Variants in TARBP1 observed in about 807,000 individuals in gnomAD.
The protein encoded by TARBP1 is tRNA (guanosine(18)-2'-O)-methyltransferase TARBP1.
A neutral mutation model predicts 178.6 loss-of-function variants in TARBP1; 144 were observed. The observed-to-expected ratio is 0.81, with a 90% confidence interval of 0.70 to 0.93. TARBP1 has a LOEUF of 0.93. Among genes scored for constraint, TARBP1 ranks in the 40% least tolerant of loss-of-function variants. The pLI, the probability that TARBP1 is intolerant of heterozygous loss-of-function variation, is 0.00. For missense variants in TARBP1, 2,067 were observed against 2,011.7 expected, an observed-to-expected ratio of 1.03 and a Z score of -0.53; for synonymous variants, 787 against 781.0, an observed-to-expected ratio of 1.01 and a Z score of -0.13.
chr1:234,429,528 G>C lies in TARBP1; in HGVS notation c.2759C>G (p.Pro920Arg), dbSNP rs1215517879. ...AGTCCTTATTGGCATCTGAACGGCA[G>C]GTAGAAACGGTTCCAGAATTTCACT... ...TGSEILEPFL[P>R]AVQMPIRTLQ... The change falls in exon 16 of 30, where the codon CCT (proline) becomes CGT (arginine). Residue 920 changes from proline to arginine, a missense_variant. Transcript: ENST00000040877. 7 of 1,614,032 alleles carry C rather than the reference G, an allele frequency of 4.3e-6. No individual in the cohort carries two copies. Among genetic ancestry groups the C allele is most frequent in the Non-Finnish European group, 5.9e-6 (7 of 1,180,042 alleles).
At chr1:234,450,075 A>G (rs1039194382) in intron 10 of TARBP1, among the ~76,000 whole-genome samples, 1 of 152,188 alleles carries the variant, frequency 6.6e-6, no homozygotes, top group African/African-American at 2.4e-5. Flanking sequence ...TCCAATGCAT[A>G]TATTTCCACT....
At chr1:234,444,732 G>A (rs573353125) in intron 12 of TARBP1, among the ~76,000 whole-genome samples, 3 of 151,078 alleles carry the variant, frequency 2.0e-5, no homozygotes, top group South Asian at 4.2e-4. Flanking sequence ...GAACTTCTAC[G>A]ACCTCCTATA....
At chr1:234,391,796 T>C in intron 29 of TARBP1, 51 bp from the exon 30 acceptor site, 5 of 1,548,934 alleles carry the variant, frequency 3.2e-6, no homozygotes, top group Non-Finnish European at 4.4e-6. Context: ...AAACAATTTT[T>C]CTCTTTGATA....
Position 234,429,680 on chromosome 1 carries a change from G to C in TARBP1, c.2610-3C>G. 9 of 1,558,416 alleles carry C rather than the reference G, an allele frequency of 5.8e-6. No individual in the cohort carries two copies. The highest frequency in any genetic ancestry group is 7.8e-6 in the Non-Finnish European group (9 of 1,148,366). ...AAGATGACGATTCTTCCAAAACACT[G>C]AAATAAAAAATAAAGTTACTAGGCC... On this transcript the variant is annotated splice_region_variant and splice_polypyrimidine_tract_variant and intron_variant, in intron 15 of 29. Transcript: ENST00000040877.
At chr1:234,398,307 G>C in intron 26 of TARBP1, 75 bp downstream of exon 26, 2 of 1,297,520 alleles carry the variant, frequency 1.5e-6, no homozygotes, top group Non-Finnish European at 2.1e-6. Context: ...TTAACTACCT[G>C]TCCTTAGTAA....
intron 22 of TARBP1, among the ~76,000 whole-genome samples, chr1:234,412,539 G>A (rs998768290): frequency 2.6e-5 from 4 of 152,102 alleles, no homozygotes; most frequent in Admixed American, 6.6e-5. Context: ...TGTGGTGGCA[G>A]GTGCTTGTAG....
chr1:234,457,574 A>G (rs756643457), intron 9 of TARBP1, 93 bp downstream of exon 9: 101 of 786,108 alleles, frequency 1.3e-4, no homozygotes, highest in Non-Finnish European at 1.9e-4. Flanking sequence ...CAAAGCAATC[A>G]TTATATTTTA....
chr1:234,458,460 A>G (rs1486968685), intron 8 of TARBP1, among the ~76,000 whole-genome samples: 3 of 152,222 alleles, frequency 2.0e-5, no homozygotes, highest in Admixed American at 2.0e-4. Flanking sequence ...CCTTGGCTCT[A>G]TCTAGGCCAG....
rs12068114 is a variant in TARBP1 at position 234,454,015 on chromosome 1, G to T, written c.1723-3449C>A. Among the ~76,000 whole-genome samples, 860 of 152,308 alleles carry T rather than the reference G, an allele frequency of 5.6e-3. 9 individuals are homozygous for T. Among genetic ancestry groups the T allele is most frequent in the African/African-American group, 0.02 (827 of 41,564 alleles). The stretch of plus-strand genomic sequence containing the variant: ...CGAAAAATTAAGGGGAACAGATGAA[G>T]AAATCTAAGAGCTGGCTCCTTAAAA... On this transcript the variant is annotated intron_variant, in intron 9 of 29. Transcript: ENST00000040877.
chr1:234,440,693 A>G (rs1188078270), intron 12 of TARBP1, among the ~76,000 whole-genome samples: 1 of 152,252 alleles, frequency 6.6e-6, no homozygotes, highest in Admixed American at 6.5e-5. Flanking sequence ...GCAAGGTTAC[A>G]GGATACAAGG....
intron 1 of TARBP1, among the ~76,000 whole-genome samples, chr1:234,475,669 T>G (rs774158489): frequency 1.4e-4 from 21 of 152,300 alleles, no homozygotes; most frequent in Middle Eastern, 3.4e-3. Context: ...CTCAGACACA[T>G]GGGGCCTAAA....
Position 234,429,696 on chromosome 1 carries a change from T to C in TARBP1, c.2610-19A>G. The C allele has an allele frequency of 1.3e-6, 2 of 1,566,020 alleles. No individual in the cohort carries two copies. The highest frequency in any genetic ancestry group is 1.7e-6 in the Non-Finnish European group (2 of 1,156,468). ...CAAAACACTGAAATAAAAAATAAAG[T>C]TACTAGGCCATACTTCCCCAATTTG... is the stretch of plus-strand genomic sequence containing the variant. On this transcript the variant is annotated intron_variant, in intron 15 of 29. Transcript: ENST00000040877.
intron 5 of TARBP1, among the ~76,000 whole-genome samples, chr1:234,465,128 T>C (rs528444135): frequency 2.3e-4 from 35 of 151,956 alleles, no homozygotes; most frequent in Non-Finnish European, 4.3e-4. Context: ...CTCAAACAGA[T>C]ATAAATGAGT....
chr1:234,431,190 C>A (rs1664398452), intron 14 of TARBP1, among the ~76,000 whole-genome samples: 1 of 152,150 alleles, frequency 6.6e-6, no homozygotes, highest in Non-Finnish European at 1.5e-5. Context: ...TTATTCCATA[C>A]CCCTCTTTCA....
chr1:234,472,895 C>T, intron 1 of TARBP1, 84 bp from the exon 2 acceptor site: 1 of 955,216 alleles, frequency 1.0e-6, no homozygotes. Context: ...TAAAATAATG[C>T]CACTATTACC....
At chr1:234,447,122 G>A in intron 11 of TARBP1, 147 bp from the exon 12 acceptor site, 1 of 834,740 alleles carries the variant, frequency 1.2e-6, no homozygotes. Flanking sequence ...CAGCAGCTAT[G>A]AGGACTCATC....
intron 2 of TARBP1, 64 bp downstream of exon 2, chr1:234,472,650 A>C: frequency 4.6e-6 from 5 of 1,082,604 alleles, no homozygotes; most frequent in Non-Finnish European, 6.7e-6. Context: ...GCTTTTAATG[A>C]ATGTTTTTAA....
At chr1:234,415,729 G>C (rs75090749) in intron 22 of TARBP1, among the ~76,000 whole-genome samples, 3 of 152,200 alleles carry the variant, frequency 2.0e-5, no homozygotes, top group Non-Finnish European at 4.4e-5. Context: ...GCTGGCTATA[G>C]CAAAGCCCTG....
chr1:234,429,144 T>C lies in TARBP1; in HGVS notation c.3052A>G (p.Ile1018Val). The C allele has an allele frequency of 6.4e-7, 1 of 1,569,368 alleles. No homozygotes were observed. Among genetic ancestry groups the C allele is most frequent in the Non-Finnish European group, 8.6e-7 (1 of 1,166,966 alleles). ...AKIKGQAYFK[I>V]KEIMYKIIEM... ...AAAAGAAAGTTAGTTACCTCTTTTA[T>C]TTTGAAATATGCCTGGCCCTTGATT... is the stretch of plus-strand genomic sequence containing the variant. Residue 1018 changes from isoleucine to valine, a missense_variant, in exon 17 of 30, where the codon ATA becomes GTA. Transcript: ENST00000040877.
Sources: allele counts gnomAD v4.1 joint callset (sites outside exome capture counted in the v4.1 genomes callset), GRCh38; gene constraint gnomAD v4.1.1; transcripts MANE v1.5; gene names NCBI Gene and HGNC (gene_info 2026-07-23, HGNC 2026-07-21).